Variants in CCT6A observed in about 807,000 individuals in gnomAD.
CCT6A encodes the protein T-complex protein 1 subunit zeta.
Under a neutral mutation model 58.6 loss-of-function variants are expected in CCT6A, and 6 were observed. The ratio of observed to expected loss-of-function variants is 0.10; its 90% CI spans 0.06 to 0.20. The LOEUF is 0.20. CCT6A is among the 10% of genes least tolerant of loss of function. The pLI is 1.00. For missense variants in CCT6A, 516 were observed against 648.8 expected, an observed-to-expected ratio of 0.80 and a Z score of 2.22; for synonymous variants, 245 against 227.8, an observed-to-expected ratio of 1.08 and a Z score of -0.68.
intron 10 of CCT6A, 21 bp downstream of exon 10, chr7:56,060,437 C>T (rs750504814): frequency 6.2e-7 from 1 of 1,612,428 alleles, no homozygotes; most frequent in East Asian, 2.2e-5. Context: ...CACTGTATTT[C>T]AATTCTTTTA....
Position 56,052,537 on chromosome 7 carries a change from T to C in CCT6A, c.201+52T>C, listed in dbSNP as rs376012792. 6.4e-5 allele frequency: 93 copies of C among 1,458,514 alleles called. No individual in the cohort carries two copies. The East Asian group carries it at 9.7e-4, about 15-fold the overall frequency. The allele number at this position is 1,458,514 out of a possible 1,614,324, so 90.3% of individuals were successfully genotyped here. On this transcript the variant is annotated intron_variant, in intron 2 of 13. Coordinates refer to ENST00000275603, the MANE Select transcript of CCT6A (RefSeq NM_001762.4). ...AAAGGTCTTGATTTTCCGTAGAATGTTTTCTTTGTAGAAAGATTTGCAGTG... is the reference window on the plus strand; with the variant it reads ...AAAGGTCTTGATTTTCCGTAGAATGCTTTCTTTGTAGAAAGATTTGCAGTG...
At chr7:56,055,922 A>C in intron 4 of CCT6A, 125 bp downstream of exon 4, 1 of 658,508 alleles carries the variant, frequency 1.5e-6, no homozygotes, top group East Asian at 2.7e-5. Context: ...TTTTGTGGCA[A>C]TGATACCTAA....
rs141718990 is a variant in CCT6A at position 56,063,015 on chromosome 7, C to G, written c.1526C>G (p.Thr509Ser). 279 of 1,611,100 alleles carry G rather than the reference C, an allele frequency of 1.7e-4. No individual in the cohort carries two copies. The highest frequency in any genetic ancestry group is 2.2e-4 in the Non-Finnish European group (257 of 1,177,354). Residue 509 changes from threonine to serine, a missense_variant and splice_region_variant, in exon 14 of 14, where the codon ACT (threonine) becomes AGT (serine). By Grantham distance (58) the Thr-to-Ser change is moderately conservative (BLOSUM62 1). Around this residue, in one of 3 missense-constraint regions of CCT6A, gnomAD observed 315 missense variants for 389.4 expected, o/e 0.81. Transcript: ENST00000275603. Reference sequence around the variant, plus strand: ...TCTTATTTTTGTCCCCCTTTCAGCACTGTGATTGCCACCAACATTCTCTTG... The same window carrying G: ...TCTTATTTTTGTCCCCCTTTCAGCAGTGTGATTGCCACCAACATTCTCTTG... ...CVKKQLLHSCTVIATNILLVD... is the reference protein window; with the variant it reads ...CVKKQLLHSCSVIATNILLVD...
rs558629472 is a variant in CCT6A, at chr7:56,059,684, G to A, written c.1065+44G>A. ...TAAAGGTAATAGAACCTTTTAGCTC[G>A]TGAATTATTTTTGTTTGTTTGTTTG... On this transcript the variant is annotated intron_variant, in intron 9 of 13. Transcript: ENST00000275603. The A allele has an allele frequency of 5.9e-5, 57 of 969,596 alleles. No homozygotes were observed. The Middle Eastern group carries it at 1.1e-3, about 18-fold the overall frequency. 60.1% of individuals were successfully genotyped at this position (969,596 alleles called of 1,614,324 possible).
Position 56,051,807 on chromosome 7 carries a change from T to G in CCT6A, c.-42T>G. 6.5e-7 allele frequency: 1 copy of G among 1,543,394 alleles called. No individual in the cohort carries two copies. Among genetic ancestry groups the G allele is most frequent in the East Asian group, 2.5e-5 (1 of 39,998 alleles). ...CCTCCCGGCCACGCCGCGCCGGCTC[T>G]GGGCACTCAGCATCGTTTCCTTTTC... On this transcript the variant is annotated 5_prime_UTR_variant, in exon 1 of 14. Transcript: ENST00000275603.
intron 10 of CCT6A, 96 bp from the exon 11 acceptor site, chr7:56,060,711 A>G (rs1794415178): frequency 6.9e-7 from 1 of 1,449,408 alleles, no homozygotes; most frequent in African/African-American, 1.4e-5. Context: ...GTCATAGTAA[A>G]TTTGTAAGAA....
Position 56,058,560 on chromosome 7 carries a change from TATC to T in CCT6A, c.885+43_885+45del, listed in dbSNP as rs1178792279. 4 of 1,571,712 alleles carry T rather than the reference TATC, an allele frequency of 2.5e-6. No homozygotes were observed. The South Asian group carries it at 3.4e-5, about 13-fold the overall frequency. On this transcript the variant is annotated intron_variant, in intron 7 of 13. Transcript: ENST00000275603. Reference sequence around the variant, plus strand: ...CTCAATGTATAAACTAAATAGTACGTATCATCCTTTTTACTTTTAAGGTGAAAG... The same window carrying T: ...CTCAATGTATAAACTAAATAGTACGTATCCTTTTTACTTTTAAGGTGAAAG...
intron 6 of CCT6A, 108 bp downstream of exon 6, chr7:56,058,211 G>A: frequency 1.1e-6 from 1 of 875,820 alleles, no homozygotes. Context: ...TGCTCAAATT[G>A]GTTTGGGGGA....
chr7:56,055,770 T>C lies in CCT6A; in HGVS notation c.483T>C (p.His161=), dbSNP rs772701047. The C allele has an allele frequency of 6.2e-6, 10 of 1,613,422 alleles. No homozygotes were observed. The South Asian group carries it at 8.8e-5, about 14-fold the overall frequency. ...VARTSLRTKV[H]AELADVLTEA... is the part of the protein sequence containing the mutation. ...GAACATCTCTTCGTACTAAAGTTCA[T>C]GCTGAACTTGCAGATGTCTTAACAG... Residue 161 remains histidine, a synonymous_variant, in exon 4 of 14, where the codon CAT becomes CAC. Coordinates refer to ENST00000275603, the MANE Select transcript of CCT6A (RefSeq NM_001762.4).
intron 5 of CCT6A, among the ~76,000 whole-genome samples, chr7:56,056,941 C>T (rs1480768014): frequency 1.3e-5 from 2 of 151,688 alleles, no homozygotes; most frequent in African/African-American, 4.8e-5. Flanking sequence ...GGACTACAGG[C>T]GCCCGCCACC....
Position 56,058,690 on chromosome 7 carries a change from G to A in CCT6A, c.956G>A (p.Arg319Lys). The A allele has an allele frequency of 6.4e-7, 1 of 1,567,422 alleles. No homozygotes were observed. Among genetic ancestry groups the A allele is most frequent in the Non-Finnish European group, 8.8e-7 (1 of 1,141,068 alleles). The change falls in exon 8 of 14, where the codon AGA becomes AAA. Residue 319 changes from arginine to lysine, a missense_variant. Around this residue, in one of 3 missense-constraint regions of CCT6A, gnomAD observed 315 missense variants for 389.4 expected, o/e 0.81. Coordinates refer to ENST00000275603, the MANE Select transcript of CCT6A (RefSeq NM_001762.4). ...GTTGCTCTGCGCAGAGCTAAAAGGAGAAATATGGAGAGGTATCCGAGTAAT... is the reference window on the plus strand; with the variant it reads ...GTTGCTCTGCGCAGAGCTAAAAGGAAAAATATGGAGAGGTATCCGAGTAAT... Reference protein sequence around the residue: ...GIVALRRAKRRNMERLTLACG... With the variant: ...GIVALRRAKRKNMERLTLACG...
chr7:56,059,183 T>G (rs1380745782), intron 8 of CCT6A, among the ~76,000 whole-genome samples: 1 of 152,064 alleles, frequency 6.6e-6, no homozygotes, highest in Non-Finnish European at 1.5e-5. Flanking sequence ...GTTTTTTTAG[T>G]AGAGATGGGG....
rs34651360 is a variant in CCT6A, at chr7:56,061,373, G to GTT, written c.1348-354_1348-353dup. Among the ~76,000 whole-genome samples the GTT allele has an allele frequency of 8.4e-4, 99 of 117,548 alleles. 1 individual carries two copies. Among genetic ancestry groups the GTT allele is most frequent in the Middle Eastern group, 4.8e-3 (1 of 208 alleles). The allele number at this position is 117,548 out of a possible 152,430, so 77.1% of individuals were successfully genotyped here. A position where few individuals can be genotyped will look rare whatever the true frequency, so the allele number is the denominator to read the frequency against. ...TAAATGTTCTGTCTTTATGCAATGA[G>GTT]TTTTTTTTTTTTTTTTTTTTTGAGA... On this transcript the variant is annotated intron_variant, in intron 11 of 13. Transcript: ENST00000275603.
Position 56,054,324 on chromosome 7 carries a change from C to T in CCT6A, c.202-45C>T, listed in dbSNP as rs775828022. On this transcript the variant is annotated intron_variant, in intron 2 of 13. Transcript: ENST00000275603. ...GCATTTTGTCTGTGGTATATTTAGA[C>T]TGCTTCATATTGTTTTAAGTGATTC... is the stretch of plus-strand genomic sequence containing the variant. 12 of 1,532,984 alleles carry T rather than the reference C, an allele frequency of 7.8e-6. No individual in the cohort carries two copies. The African/African-American group carries it at 8.2e-5, about 10-fold the overall frequency. 95.0% of individuals were successfully genotyped at this position (1,532,984 alleles called of 1,614,324 possible). A position where few individuals can be genotyped will look rare whatever the true frequency, so the allele number is the denominator to read the frequency against.
chr7:56,056,402 A>G lies in CCT6A; in HGVS notation c.602A>G (p.Glu201Gly), dbSNP rs138278685. The change falls in exon 5 of 14, where the codon GAA (glutamate) becomes GGA (glycine). Residue 201 changes from glutamate (E) to glycine (G), a missense_variant. Physicochemically the swap from Glu to Gly is moderately conservative, Grantham distance 98. Around this residue, in one of 3 missense-constraint regions of CCT6A, gnomAD observed 85 missense variants for 74.9 expected, o/e 1.13. Transcript: ENST00000275603. ...ATCATGGAGATGAAACATAAATCTG[A>G]AACTGATACAAGGTAGGTGGTAGAA... ...IEIMEMKHKS[E>G]TDTSLIRGLV... The G allele has an allele frequency of 9.9e-5, 146 of 1,481,448 alleles. No homozygotes were observed. The African/African-American group carries it at 1.8e-3, about 18-fold the overall frequency. 91.8% of individuals were successfully genotyped at this position (1,481,448 alleles called of 1,614,324 possible).
At position 56,059,508 on chromosome 7, in the gene CCT6A, C is replaced by T. The variant is rs143081440; in HGVS notation, c.969-36C>T. On this transcript the variant is annotated intron_variant, in intron 8 of 13. Coordinates refer to ENST00000275603, the MANE Select transcript of CCT6A (RefSeq NM_001762.4). ...TCTTATCTTTGAAATTCACTGGTAA[C>T]GTTGCTTATCCATCTCCCTTAAAAT... 6.4e-5 allele frequency: 65 copies of T among 1,009,780 alleles called. 1 individual carries two copies. The highest frequency in any genetic ancestry group is 3.8e-4 in the Admixed American group (22 of 57,896). The allele number at this position is 1,009,780 out of a possible 1,614,324, so 62.6% of individuals were successfully genotyped here. A position where few individuals can be genotyped will look rare whatever the true frequency, so the allele number is the denominator to read the frequency against.
Position 56,062,660 on chromosome 7 carries a change from T to C in CCT6A, c.1451-23T>C, listed in dbSNP as rs748545266. 18 of 1,603,794 alleles carry C rather than the reference T, an allele frequency of 1.1e-5. 1 individual carries two copies. The South Asian group carries it at 2.0e-4, about 18-fold the overall frequency. On this transcript the variant is annotated intron_variant, in intron 12 of 13. Coordinates refer to ENST00000275603, the MANE Select transcript of CCT6A (RefSeq NM_001762.4). ...GTTGGTTCTTACTGACTGAACTTAT[T>C]TTAAGATTTGGTTGCCTTTTAGGTG...
chr7:56,059,427 T>C (rs965322105), intron 8 of CCT6A, 117 bp from the exon 9 acceptor site: 2 of 667,602 alleles, frequency 3.0e-6, no homozygotes, highest in African/African-American at 3.6e-5. Flanking sequence ...TTAAAGTACA[T>C]TTTAAAATTT....
At chr7:56,056,197 G>T (rs1209749984) in intron 4 of CCT6A, 114 bp from the exon 5 acceptor site, 4 of 715,952 alleles carry the variant, frequency 5.6e-6, no homozygotes, top group Non-Finnish European at 1.0e-5. Flanking sequence ...GATAGAAAAA[G>T]ACTTAAATCA....
Sources: gnomAD v4.1 joint callset for allele counts (sites outside exome capture counted in the v4.1 genomes callset) on GRCh38, gnomAD v4.1.1 for gene constraint, gnomAD v4.1.1 regional missense constraint, MANE v1.5 for transcripts, NCBI Gene and HGNC (gene_info 2026-07-23, HGNC 2026-07-21) for gene names.